The following NHSL1 variants were observed in gnomAD, a reference collection of about 807,000 sequenced individuals.
NHSL1 encodes the protein NHS like 1.
Under a neutral mutation model 95.0 loss-of-function variants are expected in NHSL1, and 48 were observed. The observed-to-expected ratio is 0.51, with a 90% CI of 0.40 to 0.64. The LOEUF is 0.64. Ranked by LOEUF, NHSL1 falls within the 30% of genes least tolerant of loss-of-function variation. NHSL1 has a pLI of 0.00. For missense variants in NHSL1, 1,971 were observed against 2,077.7 expected (o/e 0.95, Z 1.00); for synonymous variants, 783 against 833.9 (o/e 0.94, Z 1.05).
At chr6:138,498,374 G>A (rs895456505) in intron 1 of NHSL1, among the ~76,000 whole-genome samples, 1 of 152,054 alleles carries the variant, frequency 6.6e-6, no homozygotes, top group East Asian at 1.9e-4. Context: ...CCTCACTCTC[G>A]CCAGGGCCAC....
chr6:138,663,802 C>A (rs1190497520), intron 1 of NHSL1, among the ~76,000 whole-genome samples: 1 of 151,882 alleles, frequency 6.6e-6, no homozygotes, highest in African/African-American at 2.4e-5. Context: ...ATCTGGGAGG[C>A]GGAGGTTGCA....
intron 1 of NHSL1, among the ~76,000 whole-genome samples, chr6:138,530,639 G>A (rs9495112): frequency 6.6e-6 from 1 of 152,162 alleles, no homozygotes; most frequent in African/African-American, 2.4e-5. Context: ...CAACTTGGAT[G>A]GAGATGGAGA....
In NHSL1 at chr6:138,422,507, T is replaced by C. The variant is rs1186700412; in HGVS notation, c.*1574A>G. On this transcript the variant is annotated 3_prime_UTR_variant, in exon 8 of 8. Transcript: ENST00000343505. ...TAGTATTTCCATACCCCCCAAAAGC[T>C]GGCAGGTGGTAGTCGCACTAGATTC... 6.6e-6 allele frequency: 1 copy of C among 152,224 alleles called. No individual in the cohort carries two copies. Among genetic ancestry groups the C allele is most frequent in the African/African-American group, 2.4e-5 (1 of 41,456 alleles). The allele number at this position is 152,224 out of a possible 1,614,324, so 9.4% of individuals were successfully genotyped here. A position where few individuals can be genotyped will look rare whatever the true frequency, so the allele number is the denominator to read the frequency against.
At chr6:138,613,613 C>G (rs899306309) in intron 1 of NHSL1, among the ~76,000 whole-genome samples, 1 of 152,214 alleles carries the variant, frequency 6.6e-6, no homozygotes, top group Non-Finnish European at 1.5e-5. Flanking sequence ...TCCAGTCCCA[C>G]GTCTTGCGGA....
intron 1 of NHSL1, among the ~76,000 whole-genome samples, chr6:138,551,671 G>T (rs574185803): frequency 6.6e-6 from 1 of 152,222 alleles, no homozygotes; most frequent in African/African-American, 2.4e-5. Context: ...ACAGAAAGAA[G>T]AAAAAAATTA....
intron 1 of NHSL1, among the ~76,000 whole-genome samples, chr6:138,676,804 G>A (rs1785455488): frequency 6.6e-6 from 1 of 151,982 alleles, no homozygotes; most frequent in African/African-American, 2.4e-5. Context: ...CCAGGAACAT[G>A]CCACTACACC....
At chr6:138,434,263 T>A (rs982702826) in intron 5 of NHSL1, among the ~76,000 whole-genome samples, 1 of 152,188 alleles carries the variant, frequency 6.6e-6, no homozygotes, top group Non-Finnish European at 1.5e-5. Flanking sequence ...CTGAAGCCAT[T>A]ATCTGTCTGT....
intron 1 of NHSL1, among the ~76,000 whole-genome samples, chr6:138,535,036 C>T (rs919654158): frequency 2.0e-5 from 3 of 151,982 alleles, no homozygotes; most frequent in Admixed American, 6.6e-5. Flanking sequence ...GCTTTTACTC[C>T]GAGTGAAATG....
At chr6:138,480,266 A>G (rs1268485868) in intron 2 of NHSL1, among the ~76,000 whole-genome samples, 1 of 152,176 alleles carries the variant, frequency 6.6e-6, no homozygotes, top group South Asian at 2.1e-4. Context: ...ACACCCTGTG[A>G]ATATTGTATT....
chr6:138,432,674 G>A lies in NHSL1; in HGVS notation c.1671C>T (p.Ser557=). Residue 557 remains serine (S), a synonymous_variant, in exon 6 of 8, where the codon TCC becomes TCT. Coordinates refer to ENST00000343505, the MANE Select transcript of NHSL1 (RefSeq NM_001144060.2). This position sits in a 1 kb window ranked among gnomAD's most constrained non-coding sequence, Gnocchi z 4.4. ...HSSSEPWEYK[S]SGNGRASPLK... ...GGGGGGATGCCCTTCCATTACCTGA[G>A]GATTTGTATTCCCAGGGCTCCGAGC... 6.4e-7 allele frequency: 1 copy of A among 1,551,712 alleles called. No individual in the cohort carries two copies. Among genetic ancestry groups the A allele is most frequent in the Non-Finnish European group, 8.7e-7 (1 of 1,146,988 alleles).
chr6:138,463,615 G>C (rs7740760), intron 3 of NHSL1, among the ~76,000 whole-genome samples: 1,897 of 150,778 alleles, frequency 0.013, 35 homozygotes, highest in African/African-American at 0.043. Flanking sequence ...ATGGTGGTTT[G>C]CTGCACCTAT....
At chr6:138,450,931 G>A (rs745543111) in intron 3 of NHSL1, among the ~76,000 whole-genome samples, 5 of 152,012 alleles carry the variant, frequency 3.3e-5, no homozygotes, top group Admixed American at 6.6e-5. Context: ...TAGTAATACC[G>A]GATTATTACA....
intron 1 of NHSL1, among the ~76,000 whole-genome samples, chr6:138,533,733 G>A (rs962621655): frequency 1.3e-5 from 2 of 152,128 alleles, no homozygotes; most frequent in East Asian, 1.9e-4. Flanking sequence ...TTAGATAAAG[G>A]GTGTGTTTTT....
chr6:138,447,042 G>A lies in NHSL1; in HGVS notation c.491C>T (p.Ala164Val). 1 of 1,551,736 alleles carries A rather than the reference G, an allele frequency of 6.4e-7. No individual in the cohort carries two copies. Among genetic ancestry groups the A allele is most frequent in the Non-Finnish European group, 8.7e-7 (1 of 1,146,994 alleles). Residue 164 changes from alanine to valine, a missense_variant, in exon 4 of 8, where the codon GCC (alanine) becomes GTC (valine). By Grantham distance (64) the Ala-to-Val change is moderately conservative. Coordinates refer to ENST00000343505, the MANE Select transcript of NHSL1 (RefSeq NM_001144060.2). ...CACCACGTCAGCCTGGACTGTTTGG[G>A]CTTGCTGTCGCATCTTCTCTTCTGG... The part of the protein sequence containing the change: ...PTPEEKMRQQ[A>V]QTVQADVVPI...
At chr6:138,587,269 G>A (rs897589626) in intron 1 of NHSL1, among the ~76,000 whole-genome samples, 2 of 151,426 alleles carry the variant, frequency 1.3e-5, no homozygotes, top group African/African-American at 4.8e-5. Context: ...CACCACACCT[G>A]GAGGCACTTG....
chr6:138,642,146 T>C (rs1185794034), intron 1 of NHSL1, among the ~76,000 whole-genome samples: 4 of 152,136 alleles, frequency 2.6e-5, no homozygotes, highest in Non-Finnish European at 4.4e-5. Context: ...TTTTGAGTTG[T>C]CAATACTTGG....
intron 1 of NHSL1, among the ~76,000 whole-genome samples, chr6:138,601,217 C>A (rs1021007529): frequency 1.3e-5 from 2 of 152,310 alleles, no homozygotes; most frequent in African/African-American, 2.4e-5. Context: ...TACTCCCTGG[C>A]CTGACTTTAT....
At chr6:138,505,690 A>G (rs1420125116) in intron 1 of NHSL1, among the ~76,000 whole-genome samples, 2 of 151,888 alleles carry the variant, frequency 1.3e-5, no homozygotes, top group African/African-American at 2.4e-5. Context: ...GAAATATACA[A>G]TCAATGAAGA....
intron 1 of NHSL1, among the ~76,000 whole-genome samples, chr6:138,568,348 C>G (rs1301879953): frequency 1.3e-5 from 2 of 152,168 alleles, no homozygotes; most frequent in African/African-American, 4.8e-5. Flanking sequence ...TCTTTGTATC[C>G]TGCACATAGT....
Sources: gnomAD v4.1 joint callset for allele counts (sites outside exome capture counted in the v4.1 genomes callset) on GRCh38, gnomAD v4.1.1 for gene constraint, Gnocchi (gnomAD v3.1) non-coding constraint, MANE v1.5 for transcripts, NCBI Gene and HGNC (gene_info 2026-07-23, HGNC 2026-07-21) for gene names.